Variants in RNASEH2B observed in about 807,000 individuals in gnomAD.
RNASEH2B encodes ribonuclease H2 subunit B.
RNASEH2B carries 36 observed loss-of-function variants against 45.0 expected under a neutral mutation model. That is an observed-to-expected ratio of 0.80 (90% CI 0.61 to 1.06). The LOEUF (loss-of-function observed/expected upper bound fraction) is 1.06. Among genes scored for constraint, RNASEH2B ranks in the 50% least tolerant of loss-of-function variants. RNASEH2B has a pLI of 0.00. For missense variants in RNASEH2B, 361 were observed against 360.3 expected (o/e 1.00, Z -0.02); for synonymous variants, 119 against 125.7 (o/e 0.95, Z 0.35).
At chr13:50,950,458 A>C (rs1951962275) in intron 9 of RNASEH2B, 1 of 152,238 alleles carries the variant, frequency 6.6e-6, no homozygotes, top group Admixed American at 6.5e-5. Flanking sequence ...ATGTTGTCAA[A>C]AAAAAATGCA....
intron 3 of RNASEH2B, 136 bp from the exon 4 acceptor site, chr13:50,930,547 C>T: frequency 1.4e-6 from 1 of 732,820 alleles, no homozygotes; most frequent in Admixed American, 1.9e-5. Context: ...GACTCTGAGG[C>T]CTGTATAAGA....
chr13:50,938,209 AC>A (rs1480729465), intron 5 of RNASEH2B: 3 of 152,228 alleles, frequency 2.0e-5, no homozygotes, highest in Non-Finnish European at 2.9e-5. Context: ...TAAATGTAAC[AC>A]AATATGTTCA....
rs529339753 is a variant in RNASEH2B, at chr13:50,948,518, AAT to A, written c.698+453_698+454del. ...ATGCCAAAGACTTGGAAGTCAAAGTAATATGAAACACAATCTGTGTCTTTGAG... is the reference window on the plus strand; with the variant it reads ...ATGCCAAAGACTTGGAAGTCAAAGTAATGAAACACAATCTGTGTCTTTGAG... On this transcript the variant is annotated intron_variant, in intron 8 of 10. Transcript: ENST00000336617. The A allele has an allele frequency of 7.5e-3, 1,203 of 159,474 alleles. 21 individuals are homozygous for A. Among genetic ancestry groups the A allele is most frequent in the African/African-American group, 0.028 (1,150 of 41,606 alleles). The allele number at this position is 159,474 out of a possible 1,614,324, so 9.9% of individuals were successfully genotyped here. A position where few individuals can be genotyped will look rare whatever the true frequency, so the allele number is the denominator to read the frequency against.
chr13:50,911,848 A>T (rs1050815238), intron 1 of RNASEH2B: 2 of 152,230 alleles, frequency 1.3e-5, no homozygotes, highest in East Asian at 3.8e-4. Flanking sequence ...TTTCAGATAT[A>T]CACAATAGCT....
At chr13:50,914,323 T>C (rs1879609391) in intron 1 of RNASEH2B, among the ~76,000 whole-genome samples, 1 of 152,226 alleles carries the variant, frequency 6.6e-6, no homozygotes, top group African/African-American at 2.4e-5. Flanking sequence ...TTTAGAAATA[T>C]ACGTGAGGGC....
At chr13:50,928,452 C>T (rs1251297643) in intron 2 of RNASEH2B, 1 of 152,152 alleles carries the variant, frequency 6.6e-6, no homozygotes, top group African/African-American at 2.4e-5. Flanking sequence ...AGAAATATTT[C>T]TTCAAGAGAA....
intron 6 of RNASEH2B, 32 bp from the exon 7 acceptor site, chr13:50,945,395 A>G: frequency 6.9e-7 from 1 of 1,458,126 alleles, no homozygotes; most frequent in Non-Finnish European, 9.6e-7. Flanking sequence ...AGTTGAAAAT[A>G]CCCTGCCTTT....
At chr13:50,932,857 C>A (rs1593460954) in intron 4 of RNASEH2B, among the ~76,000 whole-genome samples, 1 of 152,292 alleles carries the variant, frequency 6.6e-6, no homozygotes, top group East Asian at 1.9e-4. Flanking sequence ...GCTGTAAATA[C>A]TGAAAGTCAT....
chr13:50,967,634 T>G (rs1052054043), intron 9 of RNASEH2B, among the ~76,000 whole-genome samples: 3 of 152,214 alleles, frequency 2.0e-5, no homozygotes, highest in Non-Finnish European at 4.4e-5. Context: ...TCAAATTCCC[T>G]TTCCCCAGTG....
intron 9 of RNASEH2B, among the ~76,000 whole-genome samples, chr13:50,968,110 C>T (rs1952183250): frequency 6.6e-6 from 1 of 152,184 alleles, no homozygotes. Flanking sequence ...ACAGCAATCA[C>T]TTATCAGTAT....
In RNASEH2B at chr13:50,948,384, G is replaced by A. The variant is rs547655110; in HGVS notation, c.698+316G>A. 2.7e-5 allele frequency: 6 copies of A among 225,850 alleles called. No homozygotes were observed. The South Asian group carries it at 5.1e-4, about 19-fold the overall frequency. 14.0% of individuals were successfully genotyped at this position (225,850 alleles called of 1,614,324 possible). On this transcript the variant is annotated intron_variant, in intron 8 of 10. Transcript: ENST00000336617. ...TTGGTTCTTTGTGATCGTTTTAAGA[G>A]GAAGAAAGGAGGGATGGAAAGAGTA...
rs1168376429 is a variant in RNASEH2B, at chr13:50,953,708, T to C, written c.742-197T>C. 3 of 605,754 alleles carry C rather than the reference T, an allele frequency of 5.0e-6. No individual in the cohort carries two copies. The African/African-American group carries it at 5.6e-5, about 11-fold the overall frequency. 37.5% of individuals were successfully genotyped at this position (605,754 alleles called of 1,614,324 possible). ...TATCCACCATCACCAAGGCTGCTTC[T>C]TAGGAGTGATGTGTGGCTCAATTCC... On this transcript the variant is annotated intron_variant, in intron 9 of 10. Coordinates refer to ENST00000336617, the MANE Select transcript of RNASEH2B (RefSeq NM_024570.4).
intron 1 of RNASEH2B, among the ~76,000 whole-genome samples, chr13:50,922,571 A>G (rs1192998369): frequency 6.6e-6 from 1 of 152,236 alleles, no homozygotes; most frequent in East Asian, 1.9e-4. Flanking sequence ...CAGTGGCTGC[A>G]CACCACAAGA....
chr13:50,959,102 A>G (rs1199793486), downstream of RNASEH2B, among the ~76,000 whole-genome samples: 2 of 151,152 alleles, frequency 1.3e-5, no homozygotes, highest in African/African-American at 2.5e-5. Context: ...GATTTTGAAC[A>G]TTTTTTCATA....
intron 9 of RNASEH2B, among the ~76,000 whole-genome samples, chr13:50,963,722 T>C (rs1359727450): frequency 1.3e-5 from 2 of 152,222 alleles, no homozygotes; most frequent in African/African-American, 4.8e-5. Flanking sequence ...AGAGTTTAGA[T>C]ATGATGTTCA....
chr13:50,969,522 C>CA (rs3042194), intron 9 of RNASEH2B, among the ~76,000 whole-genome samples: 1,690 of 100,528 alleles, frequency 0.017, 47 homozygotes, highest in African/African-American at 0.043. Context: ...ACTGCCTCTA[C>CA]AAAAAAAAAA....
chr13:50,949,744 T>G (rs948314085), intron 9 of RNASEH2B, among the ~76,000 whole-genome samples: 1 of 152,192 alleles, frequency 6.6e-6, no homozygotes, highest in Non-Finnish European at 1.5e-5. Context: ...TTTAGCAAGG[T>G]ACCCCTGTGA....
At chr13:50,949,717 A>C (rs957957502) in intron 9 of RNASEH2B, among the ~76,000 whole-genome samples, 1 of 152,162 alleles carries the variant, frequency 6.6e-6, no homozygotes, top group South Asian at 2.1e-4. Flanking sequence ...TGCCATGAAA[A>C]CCCAAGAAGA....
At chr13:50,953,550 A>C in intron 9 of RNASEH2B, 1 of 292,354 alleles carries the variant, frequency 3.4e-6, no homozygotes, top group Non-Finnish European at 6.5e-6. Flanking sequence ...TCAAGAGACT[A>C]TTCTCATTTT....
Sources: gnomAD v4.1 joint callset for allele counts (sites outside exome capture counted in the v4.1 genomes callset) on GRCh38, gnomAD v4.1.1 for gene constraint, MANE v1.5 for transcripts, NCBI Gene and HGNC (gene_info 2026-07-23, HGNC 2026-07-21) for gene names.